The following AK8 variants were observed in gnomAD, a reference collection of about 807,000 sequenced individuals.
AK8 encodes adenylate kinase 8.
AK8 carries 44 observed loss-of-function variants against 54.6 expected under a neutral mutation model. The observed-to-expected ratio is 0.81, with a 90% CI of 0.63 to 1.04. The LOEUF (loss-of-function observed/expected upper bound fraction) is 1.04. Among genes scored for constraint, AK8 ranks in the 50% least tolerant of loss-of-function variants. The pLI, the probability that AK8 is intolerant of heterozygous loss-of-function variation, is 0.00. For synonymous variants in AK8, 239 were observed against 245.6 expected (o/e 0.97, Z 0.25); for missense variants, 555 against 613.6 (o/e 0.90, Z 1.01).
At chr9:132,760,023 A>T (rs1480081581) in intron 11 of AK8, among the ~76,000 whole-genome samples, 1 of 152,178 alleles carries the variant, frequency 6.6e-6, no homozygotes, top group Non-Finnish European at 1.5e-5. Context: ...AAGGGGTGAC[A>T]TCTTTATAAT....
intron 11 of AK8, among the ~76,000 whole-genome samples, chr9:132,779,066 T>C (rs752184825): frequency 1.3e-5 from 2 of 148,980 alleles, no homozygotes; most frequent in African/African-American, 2.6e-5. Context: ...ATGTCTTCCA[T>C]AGATAAGGAA....
intron 11 of AK8, among the ~76,000 whole-genome samples, chr9:132,780,150 C>T (rs748201380): frequency 2.0e-5 from 3 of 151,928 alleles, no homozygotes; most frequent in African/African-American, 7.3e-5. Context: ...GGCTGTTTCA[C>T]GGCAGTCAGA....
At chr9:132,804,925 A>G (rs1435364027) in intron 10 of AK8, among the ~76,000 whole-genome samples, 1 of 152,160 alleles carries the variant, frequency 6.6e-6, no homozygotes, top group Non-Finnish European at 1.5e-5. Flanking sequence ...TCACAGCCCA[A>G]TGAGAAAGAA....
intron 11 of AK8, among the ~76,000 whole-genome samples, chr9:132,786,433 AC>A (rs2131146766): frequency 6.6e-6 from 1 of 151,880 alleles, no homozygotes; most frequent in Non-Finnish European, 1.5e-5. Context: ...AGTATGTGAG[AC>A]CCCTCCCCTG....
chr9:132,743,786 A>C (rs1837506203), intron 11 of AK8, among the ~76,000 whole-genome samples: 1 of 152,182 alleles, frequency 6.6e-6, no homozygotes, highest in African/African-American at 2.4e-5. Context: ...TGAGAAGTAC[A>C]CGACCCCGGT....
chr9:132,803,303 C>T lies in AK8; in HGVS notation c.980-10528G>A, dbSNP rs1840554062. ...TCACGGAGCATCAGAGTAATGCAAA[C>T]TGGAGCTTTGTCAGTTCCCAGTTAC... On this transcript the variant is annotated intron_variant, in intron 10 of 12. Coordinates refer to ENST00000298545, the MANE Select transcript of AK8 (RefSeq NM_152572.3). The surrounding 1 kb of genome is among the most constrained non-coding windows in gnomAD (Gnocchi z 4.4). Among the ~76,000 whole-genome samples, 1 of 152,136 alleles carries T rather than the reference C, an allele frequency of 6.6e-6. No homozygotes were observed. Among genetic ancestry groups the T allele is most frequent in the African/African-American group, 2.4e-5 (1 of 41,422 alleles).
chr9:132,826,353 A>G lies in AK8; in HGVS notation c.757+501T>C, dbSNP rs1366042710. On this transcript the variant is annotated intron_variant, in intron 8 of 12. Coordinates refer to ENST00000298545, the MANE Select transcript of AK8 (RefSeq NM_152572.3). This position sits in a 1 kb window ranked among gnomAD's most constrained non-coding sequence, Gnocchi z 4.5. ...TCCCGAGCTGCTGTGAACATTGGCC[A>G]TTGCTGTGGACAGCAACGCAGTGCC... 6.6e-6 allele frequency among the ~76,000 whole-genome samples: 1 copy of G among 152,202 alleles called. No individual in the cohort carries two copies. Among genetic ancestry groups the G allele is most frequent in the African/African-American group, 2.4e-5 (1 of 41,456 alleles).
At chr9:132,808,690 G>C (rs1840842968) in intron 10 of AK8, among the ~76,000 whole-genome samples, 1 of 152,204 alleles carries the variant, frequency 6.6e-6, no homozygotes, top group South Asian at 2.1e-4. Context: ...GCCAGTGATG[G>C]TGGTGATGGT....
chr9:132,745,890 G>T (rs990170272), intron 11 of AK8, among the ~76,000 whole-genome samples: 1 of 152,296 alleles, frequency 6.6e-6, no homozygotes, highest in East Asian at 1.9e-4. Flanking sequence ...GCTCCTTGAA[G>T]TATGTTTGGA....
chr9:132,827,192 CG>C, intron 7 of AK8, 138 bp from the exon 8 acceptor site: 1 of 758,698 alleles, frequency 1.3e-6, no homozygotes, highest in Non-Finnish European at 2.2e-6. Context: ...GGCAGGACAC[CG>C]TTGCTCAACA....
chr9:132,751,488 T>A (rs1189959647), intron 11 of AK8, among the ~76,000 whole-genome samples: 1 of 147,612 alleles, frequency 6.8e-6, no homozygotes, highest in Admixed American at 6.9e-5. Flanking sequence ...GTGGTTGCAG[T>A]GAGCCGAGAT....
At chr9:132,740,621 G>A (rs537185951) in intron 11 of AK8, among the ~76,000 whole-genome samples, 26 of 152,274 alleles carry the variant, frequency 1.7e-4, no homozygotes, top group Admixed American at 1.2e-3. Flanking sequence ...GAATGGGTGG[G>A]ACTTGGCTCT....
At chr9:132,811,492 A>G (rs138292329) in intron 10 of AK8, among the ~76,000 whole-genome samples, 15 of 152,384 alleles carry the variant, frequency 9.8e-5, no homozygotes, top group African/African-American at 3.6e-4. Flanking sequence ...GGAAAAGGCA[A>G]GGAAGTAAAT....
chr9:132,832,045 C>CAGTG (rs1380242216), intron 5 of AK8, among the ~76,000 whole-genome samples: 1 of 109,218 alleles, frequency 9.2e-6, no homozygotes, highest in Non-Finnish European at 1.7e-5. Context: ...CTGGGTGACA[C>CAGTG]AGTGAGACCT....
chr9:132,845,665 C>T (rs2131357649), intron 5 of AK8, among the ~76,000 whole-genome samples: 1 of 151,984 alleles, frequency 6.6e-6, no homozygotes, highest in African/African-American at 2.4e-5. Flanking sequence ...CCTGTAATCC[C>T]AGCTACTCAG....
intron 5 of AK8, among the ~76,000 whole-genome samples, chr9:132,849,865 C>T (rs917546542): frequency 1.3e-5 from 2 of 151,764 alleles, no homozygotes; most frequent in Admixed American, 6.6e-5. Flanking sequence ...CCTGCCTCAG[C>T]CTCCCGAGTA....
intron 11 of AK8, among the ~76,000 whole-genome samples, chr9:132,748,197 G>A (rs1224663046): frequency 6.6e-6 from 1 of 151,688 alleles, no homozygotes; most frequent in African/African-American, 2.4e-5. Flanking sequence ...CAACATAATG[G>A]TGATAACACG....
chr9:132,806,917 T>C (rs2131224201), intron 10 of AK8, among the ~76,000 whole-genome samples: 1 of 152,330 alleles, frequency 6.6e-6, no homozygotes, highest in Middle Eastern at 3.4e-3. Flanking sequence ...CTCCCGCCTT[T>C]TCTCGGGTTC....
At chr9:132,741,105 C>A (rs1413344081) in intron 11 of AK8, among the ~76,000 whole-genome samples, 1 of 152,190 alleles carries the variant, frequency 6.6e-6, no homozygotes, top group East Asian at 1.9e-4. Flanking sequence ...GAATCACCCA[C>A]GGCAAGCCCA....
Sources: allele counts gnomAD v4.1 joint callset (sites outside exome capture counted in the v4.1 genomes callset), GRCh38; gene constraint gnomAD v4.1.1; non-coding constraint Gnocchi (gnomAD v3.1); transcripts MANE v1.5; gene names NCBI Gene and HGNC (gene_info 2026-07-23, HGNC 2026-07-21).